Variants in MICU2 observed in about 807,000 individuals in gnomAD.
MICU2 encodes mitochondrial calcium uptake 2.
MICU2 carries 64 observed loss-of-function variants against 60.4 expected under a neutral mutation model. The observed-to-expected ratio is 1.06, with a 90% CI of 0.87 to 1.31. The LOEUF is 1.31. Ranked by LOEUF, MICU2 falls within the 50% of genes most tolerant of loss-of-function variation. The probability of loss-of-function intolerance (pLI) is 0.00; values close to 1 mark genes in which losing one functional copy is unlikely to be tolerated. For synonymous variants in MICU2, 201 were observed against 175.0 expected, an observed-to-expected ratio of 1.15 and a Z score of -1.17; for missense variants, 569 against 531.0, an observed-to-expected ratio of 1.07 and a Z score of -0.70.
At chr13:21,591,081 C>A (rs917412242) in intron 1 of MICU2, among the ~76,000 whole-genome samples, 2 of 151,888 alleles carry the variant, frequency 1.3e-5, no homozygotes, top group African/African-American at 4.8e-5. Context: ...TAAAAAGACA[C>A]AGACTGGCAA....
intron 4 of MICU2, among the ~76,000 whole-genome samples, chr13:21,538,562 C>CAAAT (rs369357693): frequency 9.8e-6 from 1 of 102,220 alleles, no homozygotes; most frequent in Non-Finnish European, 1.9e-5. Flanking sequence ...GACCCTGTCT[C>CAAAT]AAAAAAAAAA....
intron 9 of MICU2, 166 bp from the exon 10 acceptor site, chr13:21,496,326 C>CTGT: frequency 1.7e-6 from 1 of 573,370 alleles, no homozygotes; most frequent in Non-Finnish European, 3.0e-6. Flanking sequence ...CAGAAATGGC[C>CTGT]ACACAAAGGG....
rs190413382 is a variant in MICU2, at chr13:21,514,526, C to T, written c.598-108G>A. On this transcript the variant is annotated intron_variant, in intron 6 of 11. Transcript: ENST00000382374. ...TTATAAAATATATACTAGTTATTTGCTAAATATTAACTTCTTTTTTTTTTT... is the reference window on the plus strand; with the variant it reads ...TTATAAAATATATACTAGTTATTTGTTAAATATTAACTTCTTTTTTTTTTT... The T allele has an allele frequency of 3.1e-4, 223 of 728,874 alleles. 1 individual carries two copies. Among genetic ancestry groups the T allele is most frequent in the East Asian group, 2.1e-3 (77 of 35,864 alleles). The allele number at this position is 728,874 out of a possible 1,614,324, so 45.2% of individuals were successfully genotyped here. A position where few individuals can be genotyped will look rare whatever the true frequency, so the allele number is the denominator to read the frequency against.
At chr13:21,503,683 C>G (rs1886232122) in intron 8 of MICU2, among the ~76,000 whole-genome samples, 1 of 152,178 alleles carries the variant, frequency 6.6e-6, no homozygotes, top group Non-Finnish European at 1.5e-5. Flanking sequence ...TTCGATCAAA[C>G]TGTCATCAAT....
intron 2 of MICU2, among the ~76,000 whole-genome samples, chr13:21,552,805 G>C (rs528982506): frequency 1.6e-4 from 24 of 152,132 alleles, no homozygotes; most frequent in African/African-American, 4.6e-4. Context: ...GTTTTGGTAC[G>C]AGTACCATGC....
At chr13:21,518,044 C>T (rs911789760) in intron 6 of MICU2, among the ~76,000 whole-genome samples, 2 of 152,038 alleles carry the variant, frequency 1.3e-5, no homozygotes, top group Non-Finnish European at 2.9e-5. Context: ...AAAACAAAAT[C>T]AATGATGTAT....
At chr13:21,563,186 T>C (rs1173297465) in intron 2 of MICU2, among the ~76,000 whole-genome samples, 1 of 152,206 alleles carries the variant, frequency 6.6e-6, no homozygotes, top group Non-Finnish European at 1.5e-5. Context: ...CCGGGCGTGG[T>C]GGCTCATGCC....
At chr13:21,504,038 T>C (rs139301224) in intron 8 of MICU2, among the ~76,000 whole-genome samples, 1 of 152,286 alleles carries the variant, frequency 6.6e-6, no homozygotes, top group East Asian at 1.9e-4. Flanking sequence ...AGTTTGATCT[T>C]AGACTTCTGT....
intron 9 of MICU2, among the ~76,000 whole-genome samples, chr13:21,500,822 T>C (rs1279743212): frequency 6.6e-6 from 1 of 152,180 alleles, no homozygotes; most frequent in African/African-American, 2.4e-5. Flanking sequence ...TTGACTCTCA[T>C]TATAATTTTT....
intron 1 of MICU2, among the ~76,000 whole-genome samples, chr13:21,601,312 G>C (rs942395081): frequency 6.6e-6 from 1 of 152,154 alleles, no homozygotes; most frequent in African/African-American, 2.4e-5. Context: ...CTGAGGCGAA[G>C]GCAAAGTTTT....
At position 21,530,648 on chromosome 13, in the gene MICU2, T is replaced by TGA. The variant is rs1197908896; in HGVS notation, c.467-8000_467-7999dup. ...AGATTATCTACTATGTCTCTCTCTC[T>TGA]GAAAGTTAAAAAAATAAAAATAAAA... On this transcript the variant is annotated intron_variant, in intron 4 of 11. Transcript: ENST00000382374. 9.6e-6 allele frequency: 3 copies of TGA among 311,412 alleles called. No individual in the cohort carries two copies. The East Asian group carries it at 2.1e-4, about 22-fold the overall frequency. The allele number at this position is 311,412 out of a possible 1,614,324, so 19.3% of individuals were successfully genotyped here.
At chr13:21,508,280 C>T (rs1181388062) in intron 8 of MICU2, among the ~76,000 whole-genome samples, 1 of 152,072 alleles carries the variant, frequency 6.6e-6, no homozygotes, top group African/African-American at 2.4e-5. Flanking sequence ...TGCCTGCCAC[C>T]ATGCCTGGCT....
At chr13:21,581,189 G>C (rs1485167364) in intron 1 of MICU2, among the ~76,000 whole-genome samples, 4 of 152,118 alleles carry the variant, frequency 2.6e-5, no homozygotes, top group African/African-American at 9.7e-5. Flanking sequence ...TTAGAGCAGA[G>C]GTTCTGCAAC....
At chr13:21,498,876 T>A (rs541427210) in intron 9 of MICU2, among the ~76,000 whole-genome samples, 1 of 152,156 alleles carries the variant, frequency 6.6e-6, no homozygotes, top group Non-Finnish European at 1.5e-5. Context: ...GCTTCTATCA[T>A]GACCTCGAAG....
intron 1 of MICU2, among the ~76,000 whole-genome samples, chr13:21,578,285 T>C (rs982171515): frequency 6.6e-6 from 1 of 152,098 alleles, no homozygotes; most frequent in Non-Finnish European, 1.5e-5. Context: ...TCAAAGTGTG[T>C]CCTTAAAAAA....
chr13:21,562,457 ACT>A (rs1566161655), intron 2 of MICU2, among the ~76,000 whole-genome samples: 2 of 151,062 alleles, frequency 1.3e-5, no homozygotes, highest in African/African-American at 4.9e-5. Flanking sequence ...TTTGTCTTCC[ACT>A]CTTTTTTTGC....
At chr13:21,556,284 C>T (rs1887706614) in intron 2 of MICU2, among the ~76,000 whole-genome samples, 1 of 152,138 alleles carries the variant, frequency 6.6e-6, no homozygotes, top group South Asian at 2.1e-4. Flanking sequence ...TTGATTACTC[C>T]TTCCTTGAAA....
rs776045085 is a variant in MICU2 at position 21,502,892 on chromosome 13, C to A, written c.933+34G>T. On this transcript the variant is annotated intron_variant, in intron 9 of 11. Coordinates refer to ENST00000382374, the MANE Select transcript of MICU2 (RefSeq NM_152726.3). ...AAACATGTCTAACTTATTATTTCAT[C>A]TTTATCACATGCATAATAAAAGGGT... 1.9e-6 allele frequency: 3 copies of A among 1,561,018 alleles called. No homozygotes were observed. The African/African-American group carries it at 4.1e-5, about 22-fold the overall frequency.
chr13:21,557,523 T>G (rs1326275503), intron 2 of MICU2, among the ~76,000 whole-genome samples: 1 of 152,230 alleles, frequency 6.6e-6, no homozygotes, highest in African/African-American at 2.4e-5. Context: ...CATTAACTAC[T>G]ATTAATAAAG....
Sources: allele counts gnomAD v4.1 joint callset (sites outside exome capture counted in the v4.1 genomes callset), GRCh38; gene constraint gnomAD v4.1.1; transcripts MANE v1.5; gene names NCBI Gene and HGNC (gene_info 2026-07-23, HGNC 2026-07-21).